Variants in ART3 observed in about 807,000 individuals in gnomAD.
The protein encoded by ART3 is ADP-ribosyltransferase 3 (inactive), also known as ecto-ADP-ribosyltransferase 3.
In ART3, 49 loss-of-function variants were observed where a neutral mutation model predicts 48.5. The ratio of observed to expected loss-of-function variants is 1.01; its 90% CI spans 0.80 to 1.28. The LOEUF is 1.28. Ranked by LOEUF, ART3 falls within the 50% of genes most tolerant of loss-of-function variation. The pLI is 0.00. For missense variants in ART3, 438 were observed against 454.3 expected (o/e 0.96, Z 0.33); for synonymous variants, 145 against 157.2 (o/e 0.92, Z 0.58).
intron 3 of ART3, among the ~76,000 whole-genome samples, chr4:76,095,838 A>G (rs1388182909): frequency 1.3e-5 from 2 of 152,180 alleles, no homozygotes; most frequent in Admixed American, 1.3e-4. Flanking sequence ...TAGCTTTCTT[A>G]TCCACAATTC....
chr4:76,105,580 A>G (rs1453123256), intron 10 of ART3: 2 of 1,286,676 alleles, frequency 1.6e-6, no homozygotes, highest in Admixed American at 4.6e-5. Context: ...TTGGGGGTGG[A>G]GGCACCATGG....
chr4:76,047,352 C>T (rs1417257503), intron 1 of ART3, among the ~76,000 whole-genome samples: 1 of 151,790 alleles, frequency 6.6e-6, no homozygotes, highest in East Asian at 1.9e-4. Flanking sequence ...ACCGAGGTTG[C>T]CAGGTTTAAT....
chr4:76,036,325 C>T (rs1010247046), intron 1 of ART3: 11 of 311,500 alleles, frequency 3.5e-5, no homozygotes, highest in East Asian at 5.7e-5. Flanking sequence ...ATTTAATTGT[C>T]GGACTACTTT....
chr4:76,083,230 G>A (rs1722864444), intron 3 of ART3, among the ~76,000 whole-genome samples: 1 of 152,102 alleles, frequency 6.6e-6, no homozygotes, highest in Non-Finnish European at 1.5e-5. Flanking sequence ...GCAGTCGCCA[G>A]CCCCACCTTT....
At position 76,034,267 on chromosome 4, in the gene ART3, G is replaced by C. The variant is rs560998601; in HGVS notation, c.-10+22947G>C. 109 of 395,946 alleles carry C rather than the reference G, an allele frequency of 2.8e-4. 1 individual carries two copies. The Middle Eastern group carries it at 3.2e-3, about 12-fold the overall frequency. 24.5% of individuals were successfully genotyped at this position (395,946 alleles called of 1,614,324 possible). On this transcript the variant is annotated intron_variant, in intron 1 of 9. Transcript: ENST00000341029. The stretch of plus-strand genomic sequence containing the variant: ...TTTGAGGAATGTTTTACGACACATA[G>C]ATGCTTTTGACTTATAAGGGCTTGA...
intron 1 of ART3, among the ~76,000 whole-genome samples, chr4:76,030,746 G>T (rs1264479663): frequency 6.6e-6 from 1 of 152,160 alleles, no homozygotes; most frequent in Non-Finnish European, 1.5e-5. Context: ...GTGGTCCCTT[G>T]TGTCTGGCTT....
At chr4:76,087,329 C>T (rs963996493) in intron 3 of ART3, among the ~76,000 whole-genome samples, 2 of 152,122 alleles carry the variant, frequency 1.3e-5, no homozygotes, top group Admixed American at 6.5e-5. Context: ...CCATTGTACT[C>T]GAGTGTGTTG....
intron 1 of ART3, among the ~76,000 whole-genome samples, chr4:76,038,854 C>A (rs576074312): frequency 6.6e-6 from 1 of 152,172 alleles, no homozygotes; most frequent in South Asian, 2.1e-4. Flanking sequence ...TCCCAAGTAG[C>A]TGGGATTACA....
intron 1 of ART3, among the ~76,000 whole-genome samples, chr4:76,059,051 T>C (rs1482862009): frequency 6.6e-6 from 1 of 152,216 alleles, no homozygotes; most frequent in East Asian, 1.9e-4. Flanking sequence ...AACTTGGTGA[T>C]TGGCACAAGA....
rs868460069 is a variant in ART3 at position 76,082,149 on chromosome 4, G to A, written c.395G>A (p.Gly132Asp). 6.8e-6 allele frequency: 11 copies of A among 1,614,058 alleles called. No homozygotes were observed. The highest frequency in any genetic ancestry group is 3.3e-4 in the Middle Eastern group (2 of 6,084). ...AGQSREDYIY[G>D]FQFKAFHFYL... ...CAATCTCGAGAAGATTATATCTATG[G>A]CTTCCAGTTCAAAGCTTTCCACTTT... Residue 132 changes from glycine to aspartate, a missense_variant, in exon 3 of 12, where the codon GGC becomes GAC. Around this residue, in one of 3 missense-constraint regions of ART3, gnomAD observed 206 missense variants for 205.3 expected, o/e 1.00. Coordinates refer to ENST00000355810, the MANE Select transcript of ART3 (RefSeq NM_001130016.3).
intron 2 of ART3, among the ~76,000 whole-genome samples, chr4:76,080,265 G>A (rs1045861654): frequency 3.9e-5 from 6 of 152,120 alleles, no homozygotes; most frequent in Non-Finnish European, 8.8e-5. Flanking sequence ...AGATAAAAAC[G>A]ATACAGACCG....
At chr4:76,097,740 G>A in intron 4 of ART3, 64 bp downstream of exon 4, 2 of 1,321,520 alleles carry the variant, frequency 1.5e-6, no homozygotes, top group South Asian at 2.4e-5. Context: ...TCATAGCTAT[G>A]GGTCAGAGCT....
At chr4:76,086,059 T>TCCCCCCCCCCGC (rs1723484207) in intron 3 of ART3, among the ~76,000 whole-genome samples, 1 of 130,718 alleles carries the variant, frequency 7.7e-6, no homozygotes, top group Non-Finnish European at 1.7e-5. Flanking sequence ...TCAACAAGAG[T>TCCCCCCCCCCGC]CCCCCCCCCC....
intron 1 of ART3, chr4:76,022,014 T>C: frequency 7.1e-7 from 1 of 1,415,820 alleles, no homozygotes; most frequent in South Asian, 1.1e-5. Flanking sequence ...TGGGTTGTGT[T>C]TGGAAAGTAC....
At chr4:76,060,521 G>A (rs750391239) in intron 1 of ART3, among the ~76,000 whole-genome samples, 3 of 152,146 alleles carry the variant, frequency 2.0e-5, no homozygotes, top group Non-Finnish European at 4.4e-5. Context: ...GGCTAACATG[G>A]TAGGCAGAAT....
At chr4:76,018,818 A>G (rs532002689) in intron 1 of ART3, among the ~76,000 whole-genome samples, 53 of 152,216 alleles carry the variant, frequency 3.5e-4, no homozygotes, top group African/African-American at 1.3e-3. Context: ...GCCTGAGCTC[A>G]GAAGTTTGAG....
chr4:76,097,037 A>G (rs1726163270), intron 3 of ART3, among the ~76,000 whole-genome samples: 1 of 152,206 alleles, frequency 6.6e-6, no homozygotes, highest in African/African-American at 2.4e-5. Flanking sequence ...ATTATAGAAT[A>G]GAATGATAAG....
intron 2 of ART3, among the ~76,000 whole-genome samples, chr4:76,080,236 C>T (rs1722156900): frequency 6.6e-6 from 1 of 152,104 alleles, no homozygotes; most frequent in African/African-American, 2.4e-5. Context: ...AGGTTCTGTG[C>T]TAGGTGTGTA....
chr4:76,051,894 CTCTCTTTTT>C (rs1277214956), intron 1 of ART3, among the ~76,000 whole-genome samples: 7 of 111,222 alleles, frequency 6.3e-5, no homozygotes, highest in Non-Finnish European at 1.0e-4. Flanking sequence ...ATCTCTCTCT[CTCTCTTTTT>C]TTTTTTTTTT....
Sources: gnomAD v4.1 joint callset for allele counts (sites outside exome capture counted in the v4.1 genomes callset) on GRCh38, gnomAD v4.1.1 for gene constraint, gnomAD v4.1.1 regional missense constraint, MANE v1.5 for transcripts, NCBI Gene and HGNC (gene_info 2026-07-23, HGNC 2026-07-21) for gene names.